Variants in LRP5 observed in about 807,000 individuals in gnomAD.
The protein encoded by LRP5 is low-density lipoprotein receptor-related protein 5.
A neutral mutation model predicts 154.1 loss-of-function variants in LRP5; 62 were observed. The observed-to-expected ratio is 0.40, with a 90% CI of 0.33 to 0.50. The LOEUF (loss-of-function observed/expected upper bound fraction) is 0.50, where lower values mean the gene tolerates loss of function less well. Ranked by LOEUF, LRP5 falls within the 20% of genes least tolerant of loss-of-function variation. The pLI, the probability that LRP5 is intolerant of heterozygous loss-of-function variation, is 0.55. For missense variants in LRP5, 1,915 were observed against 2,336.7 expected (o/e 0.82, Z 3.72); for synonymous variants, 966 against 1,011.5 (o/e 0.96, Z 0.85).
At chr11:68,342,070 CTTT>C (rs111847163) in intron 1 of LRP5, among the ~76,000 whole-genome samples, 2 of 133,858 alleles carry the variant, frequency 1.5e-5, no homozygotes, top group Non-Finnish European at 1.6e-5. Flanking sequence ...GTCCTCTTTG[CTTT>C]TTTTTTTTTT....
Position 68,406,819 on chromosome 11 carries a change from G to T in LRP5, c.2091+6G>T. Reference sequence around the variant, plus strand: ...GGACAGACGTCAGCCTGAAGGTAGCGTGGGCCAGAACGTGCACACAGGCAG... The same window carrying T: ...GGACAGACGTCAGCCTGAAGGTAGCTTGGGCCAGAACGTGCACACAGGCAG... On this transcript the variant is annotated splice_donor_region_variant and intron_variant, in intron 9 of 22. Transcript: ENST00000294304. 6.2e-7 allele frequency: 1 copy of T among 1,613,524 alleles called. No homozygotes were observed. Among genetic ancestry groups the T allele is most frequent in the Non-Finnish European group, 8.5e-7 (1 of 1,179,826 alleles).
chr11:68,312,341 G>A (rs561090442), upstream of LRP5, among the ~76,000 whole-genome samples: 177 of 151,946 alleles, frequency 1.2e-3, no homozygotes, highest in African/African-American at 4.1e-3. Context: ...CTGGCTCCGG[G>A]CCCCGATCGG....
intron 5 of LRP5, among the ~76,000 whole-genome samples, chr11:68,384,904 AC>A (rs2098642170): frequency 6.6e-6 from 1 of 152,038 alleles, no homozygotes; most frequent in South Asian, 2.1e-4. Context: ...GAGCGGCGGG[AC>A]CCCGTCCACA....
In LRP5 at chr11:68,413,244, C is replaced by A. The variant is rs1029244305; in HGVS notation, c.2504-445C>A. The A allele has an allele frequency of 3.6e-6, 1 of 277,946 alleles. No homozygotes were observed. Among genetic ancestry groups the A allele is most frequent in the Non-Finnish European group, 6.9e-6 (1 of 144,202 alleles). 17.2% of individuals were successfully genotyped at this position (277,946 alleles called of 1,614,324 possible). ...TGAAAACCAGCAAAAGCCCTGGAAACTCATGTGACCCTGCCAATGAGGGCG... is the reference window on the plus strand; with the variant it reads ...TGAAAACCAGCAAAAGCCCTGGAAAATCATGTGACCCTGCCAATGAGGGCG... On this transcript the variant is annotated intron_variant, in intron 11 of 22. Transcript: ENST00000294304. The surrounding 1 kb of genome is among the most constrained non-coding windows in gnomAD (Gnocchi z 5.1).
At chr11:68,374,983 C>G (rs567451193) in intron 5 of LRP5, among the ~76,000 whole-genome samples, 1 of 152,324 alleles carries the variant, frequency 6.6e-6, no homozygotes, top group East Asian at 1.9e-4. Flanking sequence ...TCTTCCATGT[C>G]CCCCTTGTGA....
intron 4 of LRP5, 45 bp from the exon 5 acceptor site, chr11:68,365,520 AGTGACG>A (rs1188407703): frequency 6.2e-7 from 1 of 1,612,606 alleles, no homozygotes; most frequent in South Asian, 1.1e-5. Flanking sequence ...TTCAGAAACA[AGTGACG>A]GTCCTCTTCT....
Position 68,389,360 on chromosome 11 carries a change from C to T in LRP5, c.1413-521C>T, listed in dbSNP as rs143068553. ...GGCATCTACTGACACTGATGTTTAC[C>T]GACACTAGCATCTACTGACACTGAC... On this transcript the variant is annotated intron_variant, in intron 6 of 22. Coordinates refer to ENST00000294304, the MANE Select transcript of LRP5 (RefSeq NM_002335.4). Among the ~76,000 whole-genome samples, 459 of 152,030 alleles carry T rather than the reference C, an allele frequency of 3.0e-3. 1 individual carries two copies. Among genetic ancestry groups the T allele is most frequent in the African/African-American group, 0.01 (431 of 41,446 alleles).
At chr11:68,420,459 T>G (rs1008011302) in intron 13 of LRP5, among the ~76,000 whole-genome samples, 9 of 151,880 alleles carry the variant, frequency 5.9e-5, no homozygotes, top group Non-Finnish European at 1.2e-4. Flanking sequence ...AATCCCAGCA[T>G]TTTGGGAGTC....
intron 19 of LRP5, 134 bp from the exon 20 acceptor site, chr11:68,438,312 C>T (rs2098676137): frequency 2.2e-6 from 2 of 904,450 alleles, no homozygotes; most frequent in South Asian, 1.3e-5. Flanking sequence ...CCTAGCCTCC[C>T]AGCTCCCCCA....
intron 1 of LRP5, among the ~76,000 whole-genome samples, chr11:68,332,078 C>A (rs1565322484): frequency 6.6e-6 from 1 of 152,136 alleles, no homozygotes; most frequent in Non-Finnish European, 1.5e-5. Flanking sequence ...CCACCCGCCC[C>A]TGAAGGCCCC....
intron 18 of LRP5, among the ~76,000 whole-genome samples, chr11:68,435,422 T>C (rs2098674316): frequency 6.6e-6 from 1 of 152,038 alleles, no homozygotes; most frequent in Non-Finnish European, 1.5e-5. Flanking sequence ...TCAGGAAGCT[T>C]TGACTCATGG....
Position 68,413,669 on chromosome 11 carries a change from GC to G in LRP5, c.2504-17del. On this transcript the variant is annotated intron_variant, in intron 11 of 22. Coordinates refer to ENST00000294304, the MANE Select transcript of LRP5 (RefSeq NM_002335.4). This position sits in a 1 kb window ranked among gnomAD's most constrained non-coding sequence, Gnocchi z 5.1. ...CTGGCTGTGCCTTTGCTGACACCGT[GC>G]CCGTGTGTGTTCATGCAGGTCAGGA... The G allele has an allele frequency of 6.2e-7, 1 of 1,610,088 alleles. No homozygotes were observed.
At chr11:68,364,372 G>GTGTGTGTGTA (rs941780632) in intron 4 of LRP5, among the ~76,000 whole-genome samples, 7 of 151,620 alleles carry the variant, frequency 4.6e-5, no homozygotes, top group Non-Finnish European at 7.4e-5. Context: ...GTGTGTGTGT[G>GTGTGTGTGTA]TGTGTGTGTG....
intron 6 of LRP5, among the ~76,000 whole-genome samples, chr11:68,389,504 CAA>C (rs2098645106): frequency 1.3e-5 from 2 of 151,878 alleles, no homozygotes; most frequent in African/African-American, 4.8e-5. Flanking sequence ...CAGCATCTAC[CAA>C]CACCGACATT....
chr11:68,416,225 G>T, intron 12 of LRP5, 103 bp from the exon 13 acceptor site: 1 of 969,026 alleles, frequency 1.0e-6, no homozygotes, highest in Non-Finnish European at 1.7e-6. Flanking sequence ...CTCCAGCGGG[G>T]CAGATGCTGA....
intron 15 of LRP5, 129 bp downstream of exon 15, chr11:68,425,421 T>A: frequency 2.1e-6 from 2 of 963,550 alleles, no homozygotes; most frequent in Non-Finnish European, 3.1e-6. Flanking sequence ...GTGTAGCGTG[T>A]TTTGTCCTCA....
intron 16 of LRP5, among the ~76,000 whole-genome samples, chr11:68,427,214 G>C (rs188992177): frequency 1.3e-5 from 2 of 152,290 alleles, no homozygotes; most frequent in East Asian, 3.9e-4. Flanking sequence ...GGGAAATTAC[G>C]GGGTCATTTA....
At chr11:68,338,095 TTC>T (rs2098606724) in intron 1 of LRP5, among the ~76,000 whole-genome samples, 1 of 152,182 alleles carries the variant, frequency 6.6e-6, no homozygotes, top group Admixed American at 6.6e-5. Flanking sequence ...CCCTGATGTC[TTC>T]TGTTTCTCTG....
intron 1 of LRP5, among the ~76,000 whole-genome samples, chr11:68,331,231 C>T (rs1309817775): frequency 1.3e-5 from 2 of 152,222 alleles, no homozygotes; most frequent in South Asian, 2.1e-4. Context: ...AAGCTGATAA[C>T]CTGACGTCAC....
Sources: gnomAD v4.1 joint callset for allele counts (sites outside exome capture counted in the v4.1 genomes callset) on GRCh38, gnomAD v4.1.1 for gene constraint, Gnocchi (gnomAD v3.1) non-coding constraint, MANE v1.5 for transcripts, NCBI Gene and HGNC (gene_info 2026-07-23, HGNC 2026-07-21) for gene names.